ABCD4: variants seen among roughly 807,000 people sequenced by gnomAD.
ABCD4 encodes the protein lysosomal cobalamin transporter ABCD4.
Under a neutral mutation model 86.3 loss-of-function variants are expected in ABCD4, and 53 were observed. The ratio of observed to expected loss-of-function variants is 0.61; its 90% confidence interval spans 0.49 to 0.77. The LOEUF (loss-of-function observed/expected upper bound fraction) is 0.77. Among genes scored for constraint, ABCD4 ranks in the 30% least tolerant of loss-of-function variants. The probability of loss-of-function intolerance (pLI) is 0.00; values close to 1 mark genes in which losing one functional copy is unlikely to be tolerated. For synonymous variants in ABCD4, 328 were observed against 313.6 expected, an observed-to-expected ratio of 1.05 and a Z score of -0.49; for missense variants, 757 against 764.5, an observed-to-expected ratio of 0.99 and a Z score of 0.12.
intron 5 of ABCD4, 26 bp downstream of exon 5, chr14:74,296,307 C>T (rs779301429): frequency 8.1e-6 from 13 of 1,607,758 alleles, no homozygotes; most frequent in South Asian, 3.3e-5. Flanking sequence ...GGGGAAACAC[C>T]AGGCTGGGGA....
intron 13 of ABCD4, 130 bp downstream of exon 13, chr14:74,289,897 G>A: frequency 6.5e-7 from 1 of 1,528,352 alleles, no homozygotes; most frequent in Non-Finnish European, 8.8e-7. Flanking sequence ...CAGTTCCCAG[G>A]CCCGGGCCAC....
chr14:74,300,574 CA>C (rs2084165987), intron 1 of ABCD4, among the ~76,000 whole-genome samples: 1 of 94,242 alleles, frequency 1.1e-5, no homozygotes, highest in Non-Finnish European at 2.1e-5. Flanking sequence ...GCCTGGGCAA[CA>C]AGAGCAAAAC....
At chr14:74,293,451 G>A (rs1299245736) in intron 7 of ABCD4, 7 of 497,678 alleles carry the variant, frequency 1.4e-5, no homozygotes, top group African/African-American at 3.9e-5. Context: ...AAACTCTAGA[G>A]TTGGGCAGAC....
At position 74,288,757 on chromosome 14, in the gene ABCD4, C is replaced by T. The variant is rs139901585; in HGVS notation, c.1465G>A (p.Asp489Asn). ...AAGAACCTCAAGATCCTCTCATCAT[C>T]GGCAGAACCTGCACAACAAAGAAGC... ...KEVYPDSGSA[D>N]DERILRFLEL... is the part of the protein sequence containing the mutation. The change falls in exon 15 of 19, where the codon GAT becomes AAT. Residue 489 changes from aspartate (D) to asparagine (N), a missense_variant. By Grantham distance (23) the Asp-to-Asn change is conservative (BLOSUM62 1). Transcript: ENST00000356924. The T allele has an allele frequency of 2.5e-4, 398 of 1,613,456 alleles. No homozygotes were observed. The highest frequency in any genetic ancestry group is 4.0e-4 in the African/African-American group (30 of 74,888).
chr14:74,288,923 C>T, intron 14 of ABCD4, 158 bp from the exon 15 acceptor site: 1 of 1,014,974 alleles, frequency 9.9e-7, no homozygotes, highest in South Asian at 1.7e-5. Context: ...ACCACCCTGG[C>T]CAACATGGTG....
rs138775118 is a variant in ABCD4 at position 74,292,817 on chromosome 14, G to C, written c.867C>G (p.Ile289Met). The C allele has an allele frequency of 6.2e-7, 1 of 1,614,062 alleles. No individual in the cohort carries two copies. The highest frequency in any genetic ancestry group is 1.7e-5 in the Admixed American group (1 of 60,010). The change falls in exon 9 of 19, where the codon ATC becomes ATG. Residue 289 changes from isoleucine (I) to methionine (M), a missense_variant. By Grantham distance (10) the Ile-to-Met change is conservative. Coordinates refer to ENST00000356924, the MANE Select transcript of ABCD4 (RefSeq NM_005050.4). ...YLGSILSYVV[I>M]AIPIFSGVYG... ...AGACCCCGCTGAAAATGGGGATTGC[G>C]ATGACAACGTAACTCAGGATGCTGC...
chr14:74,297,521 T>C (rs940487817), intron 4 of ABCD4: 1 of 160,246 alleles, frequency 6.2e-6, no homozygotes, highest in African/African-American at 2.4e-5. Context: ...GACTAAGATA[T>C]AAAGTATGAA....
chr14:74,296,656 C>G (rs2082950176), intron 4 of ABCD4: 2 of 553,908 alleles, frequency 3.6e-6, no homozygotes, highest in Non-Finnish European at 3.2e-6. Context: ...AGAGTTGCAT[C>G]TTACGGTGCC....
rs11845976 is a variant in ABCD4 at position 74,290,316 on chromosome 14, C to T, written c.1302G>A (p.Leu434=). ...GTGKTSLLRV[L]GGLWTSTRGS... ...CCCGTGTACTCGTCCAGAGGCCACC[C>T]AGAACCCGGAGCAAGGAGGTCTTGC... Residue 434 remains leucine (L), a synonymous_variant, in exon 12 of 19, where the codon CTG becomes CTA. Transcript: ENST00000356924. 0.012 allele frequency: 19,671 copies of T among 1,614,092 alleles called. 2,024 individuals carry two copies. The African/African-American group carries it at 0.23, about 19-fold the overall frequency.
Position 74,290,010 on chromosome 14 carries a change from C to T in ABCD4, c.1419+17G>A, listed in dbSNP as rs766341105. ...GGGGTTGAGGAGGGAGGAGTGAGCCCCCTGAACTAGACTGACCTGCTCCCG... is the reference window on the plus strand; with the variant it reads ...GGGGTTGAGGAGGGAGGAGTGAGCCTCCTGAACTAGACTGACCTGCTCCCG... On this transcript the variant is annotated intron_variant, in intron 13 of 18. Transcript: ENST00000356924. The T allele has an allele frequency of 1.9e-6, 3 of 1,613,864 alleles. No homozygotes were observed. Among genetic ancestry groups the T allele is most frequent in the African/African-American group, 2.7e-5 (2 of 74,876 alleles).
intron 2 of ABCD4, 118 bp from the exon 3 acceptor site, chr14:74,299,793 G>T: frequency 9.8e-7 from 1 of 1,019,066 alleles, no homozygotes; most frequent in Non-Finnish European, 1.4e-6. Context: ...CGGGCGCGGT[G>T]GCTCACGCCT....
Position 74,292,728 on chromosome 14 carries a change from T to C in ABCD4, c.936+20A>G, listed in dbSNP as rs773137532. On this transcript the variant is annotated intron_variant, in intron 9 of 18. Coordinates refer to ENST00000356924, the MANE Select transcript of ABCD4 (RefSeq NM_005050.4). ...GGACAGAGAGGGACAGCATGTGGGG[T>C]GACCAAGAGGGAGTCTCACCTTGCT... 18 of 1,613,742 alleles carry C rather than the reference T, an allele frequency of 1.1e-5. No homozygotes were observed. The Admixed American group carries it at 2.8e-4, about 25-fold the overall frequency.
intron 15 of ABCD4, 74 bp downstream of exon 15, chr14:74,288,642 G>A (rs746065923): frequency 2.6e-6 from 4 of 1,543,912 alleles, no homozygotes; most frequent in Non-Finnish European, 3.5e-6. Flanking sequence ...AAGCATAGCA[G>A]GGCCAGCACC....
At chr14:74,295,475 C>T (rs926063334) in intron 6 of ABCD4, among the ~76,000 whole-genome samples, 4 of 152,232 alleles carry the variant, frequency 2.6e-5, no homozygotes, top group African/African-American at 9.6e-5. Context: ...AGGGCCTGGC[C>T]CAAAGGAGGG....
intron 1 of ABCD4, among the ~76,000 whole-genome samples, chr14:74,301,635 G>A (rs1241012990): frequency 2.6e-5 from 4 of 152,226 alleles, no homozygotes; most frequent in Admixed American, 2.6e-4. Context: ...TTTATGCACT[G>A]CCCGTCGGGA....
Position 74,296,687 on chromosome 14 carries a change from G to C in ABCD4, c.426-238C>G, listed in dbSNP as rs2082961216. On this transcript the variant is annotated intron_variant, in intron 4 of 18. Coordinates refer to ENST00000356924, the MANE Select transcript of ABCD4 (RefSeq NM_005050.4). Reference sequence around the variant, plus strand: ...GTGCCTTAGTTAATCCCCTGAAAAAGTGGGAACTGAAAGGTCCAGTACCCA... The same window carrying C: ...GTGCCTTAGTTAATCCCCTGAAAAACTGGGAACTGAAAGGTCCAGTACCCA... 6.2e-6 allele frequency: 3 copies of C among 485,744 alleles called. No homozygotes were observed. The Admixed American group carries it at 1.0e-4, about 17-fold the overall frequency. The allele number at this position is 485,744 out of a possible 1,614,324, so 30.1% of individuals were successfully genotyped here. A position where few individuals can be genotyped will look rare whatever the true frequency, so the allele number is the denominator to read the frequency against.
intron 4 of ABCD4, chr14:74,297,593 A>T (rs892802591): frequency 8.9e-6 from 4 of 449,674 alleles, no homozygotes; most frequent in African/African-American, 2.1e-5. Context: ...GGTTTCTGCT[A>T]TGTTGCCCAG....
chr14:74,302,761 C>G (rs930435130), intron 1 of ABCD4, 114 bp downstream of exon 1: 3 of 1,216,830 alleles, frequency 2.5e-6, no homozygotes, highest in Non-Finnish European at 3.3e-6. Context: ...TCAGAAGTCA[C>G]GGGGGCGAGA....
chr14:74,292,277 C>T lies in ABCD4; in HGVS notation c.1118+10G>A, dbSNP rs763521701. 10 of 1,613,694 alleles carry T rather than the reference C, an allele frequency of 6.2e-6. No individual in the cohort carries two copies. In the East Asian group the frequency reaches 1.1e-4, roughly 18 times the overall value. ...AGCCTCAACTACTGCTCTGCCAGCC[C>T]GCTACTCACGTGTCCAAGCCCCACT... is the stretch of plus-strand genomic sequence containing the variant. On this transcript the variant is annotated intron_variant, in intron 11 of 18. Coordinates refer to ENST00000356924, the MANE Select transcript of ABCD4 (RefSeq NM_005050.4).
Sources: allele counts gnomAD v4.1 joint callset (sites outside exome capture counted in the v4.1 genomes callset), GRCh38; gene constraint gnomAD v4.1.1; transcripts MANE v1.5; gene names NCBI Gene and HGNC (gene_info 2026-07-23, HGNC 2026-07-21).